The following USP7 variants were observed in gnomAD, a reference collection of about 807,000 sequenced individuals.
The protein encoded by USP7 is ubiquitin specific peptidase 7, also known as ubiquitin C-terminal hydrolase 7.
A neutral mutation model predicts 162.9 loss-of-function variants in USP7; 9 were observed. The observed-to-expected ratio is 0.06, with a 90% CI of 0.03 to 0.10. The LOEUF (loss-of-function observed/expected upper bound fraction) is 0.10, where lower values mean the gene tolerates loss of function less well. USP7 is among the 10% of genes least tolerant of loss of function. The probability of loss-of-function intolerance (pLI) is 1.00; values close to 1 mark genes in which losing one functional copy is unlikely to be tolerated. For missense variants in USP7, 715 were observed against 1,373.7 expected (o/e 0.52, Z 7.58); for synonymous variants, 562 against 475.9 (o/e 1.18, Z -2.35).
At chr16:8,950,551 C>A (rs1220388717) in intron 1 of USP7, among the ~76,000 whole-genome samples, 1 of 152,190 alleles carries the variant, frequency 6.6e-6, no homozygotes, top group Non-Finnish European at 1.5e-5. Context: ...ACTTTGATCA[C>A]TTGGGCTGGG....
intron 1 of USP7, among the ~76,000 whole-genome samples, chr16:8,952,992 A>G (rs527737610): frequency 9.9e-5 from 15 of 152,192 alleles, no homozygotes; most frequent in African/African-American, 3.6e-4. Context: ...GCGTGTCACC[A>G]TGCCAGGCTA....
At chr16:8,903,015 G>T (rs1403412440) in intron 16 of USP7, among the ~76,000 whole-genome samples, 4 of 152,222 alleles carry the variant, frequency 2.6e-5, no homozygotes, top group African/African-American at 9.6e-5. Flanking sequence ...TGCAGGGAGT[G>T]GAGTGGGAGA....
At chr16:8,941,008 GTCCA>G (rs1899021319) in intron 1 of USP7, among the ~76,000 whole-genome samples, 1 of 152,096 alleles carries the variant, frequency 6.6e-6, no homozygotes, top group South Asian at 2.1e-4. Context: ...CCTTCTTCTC[GTCCA>G]GCACTCAGGG....
At chr16:8,959,483 G>C (rs749402935) in intron 1 of USP7, among the ~76,000 whole-genome samples, 1 of 152,082 alleles carries the variant, frequency 6.6e-6, no homozygotes, top group African/African-American at 2.4e-5. Flanking sequence ...CTGGGGAATC[G>C]CTTTGAATCA....
intron 5 of USP7, 135 bp downstream of exon 5, chr16:8,920,224 C>G (rs1310032156): frequency 5.6e-6 from 4 of 718,946 alleles, no homozygotes; most frequent in Non-Finnish European, 9.4e-6. Context: ...AGGTGTGACT[C>G]TGTGTGCCAC....
chr16:8,957,064 T>C (rs1420523499), intron 1 of USP7, among the ~76,000 whole-genome samples: 1 of 152,160 alleles, frequency 6.6e-6, no homozygotes, highest in African/African-American at 2.4e-5. Flanking sequence ...GGTTGGTGTA[T>C]TTCCCCATAC....
intron 14 of USP7, 124 bp downstream of exon 14, chr16:8,905,063 G>T: frequency 2.5e-6 from 3 of 1,216,120 alleles, no homozygotes; most frequent in Middle Eastern, 2.2e-4. Flanking sequence ...TCATTTCTGC[G>T]CTGCTGTGAA....
intron 15 of USP7, 55 bp downstream of exon 15, chr16:8,904,380 G>A: frequency 6.2e-7 from 1 of 1,601,516 alleles, no homozygotes; most frequent in South Asian, 1.1e-5. Flanking sequence ...CTTGTGTATA[G>A]AGATGGGTGC....
chr16:8,917,046 T>C lies in USP7; in HGVS notation c.831A>G (p.Lys277=). The change falls in exon 7 of 31, where the codon AAA becomes AAG. Residue 277 remains lysine (K), a synonymous_variant. Transcript: ENST00000344836. The part of the protein sequence containing the change: ...LQHSDKPVGT[K]KLTKSFGWET... ...CATACCCAAATGACTTTGTTAACTT[T>C]TTTGTTCCTACAGGTTTATCACTAT... The C allele has an allele frequency of 6.2e-7, 1 of 1,608,178 alleles. No homozygotes were observed. Among genetic ancestry groups the C allele is most frequent in the Non-Finnish European group, 8.5e-7 (1 of 1,178,320 alleles).
At chr16:8,918,811 T>C (rs976854863) in intron 6 of USP7, among the ~76,000 whole-genome samples, 3 of 151,872 alleles carry the variant, frequency 2.0e-5, no homozygotes, top group Admixed American at 6.6e-5. Flanking sequence ...TCCATCTCAA[T>C]AAAGAAAAAG....
At chr16:8,900,192 A>C (rs2061751666) in intron 21 of USP7, 1 of 326,538 alleles carries the variant, frequency 3.1e-6, no homozygotes, top group Admixed American at 4.7e-5. Flanking sequence ...GTTTACATGA[A>C]GACAGACTGA....
At chr16:8,918,554 A>C (rs1241690536) in intron 6 of USP7, among the ~76,000 whole-genome samples, 2 of 152,202 alleles carry the variant, frequency 1.3e-5, no homozygotes, top group Non-Finnish European at 1.5e-5. Context: ...TCATGCCTAT[A>C]ATCTGAGCCC....
chr16:8,900,490 A>C (rs1328900194), intron 21 of USP7, 40 bp downstream of exon 21: 1 of 1,451,508 alleles, frequency 6.9e-7, no homozygotes, highest in Non-Finnish European at 9.3e-7. Flanking sequence ...AAAATCCTGA[A>C]ATTAGTACAA....
At chr16:8,953,614 G>C (rs1596415415) in intron 1 of USP7, among the ~76,000 whole-genome samples, 1 of 55,394 alleles carries the variant, frequency 1.8e-5, no homozygotes, top group African/African-American at 6.3e-5. Flanking sequence ...GCAGAGGGAA[G>C]ACACGTGCCC....
chr16:8,962,569 CCA>C, intron 1 of USP7: 1 of 389,564 alleles, frequency 2.6e-6, no homozygotes, highest in Non-Finnish European at 5.2e-6. Context: ...GCTGGCTGCA[CCA>C]CACACTGCCA....
At chr16:8,906,348 G>A in intron 13 of USP7, 78 bp downstream of exon 13, 5 of 1,513,582 alleles carry the variant, frequency 3.3e-6, no homozygotes, top group Non-Finnish European at 4.4e-6. Context: ...GTTCCGAGTA[G>A]GAACCAGAAC....
At chr16:8,899,575 T>C (rs769548577) in intron 22 of USP7, 29 bp downstream of exon 22, 3 of 1,608,842 alleles carry the variant, frequency 1.9e-6, no homozygotes, top group Non-Finnish European at 2.6e-6. Flanking sequence ...GAGTGGGATC[T>C]GAAGAGGAAA....
intron 26 of USP7, among the ~76,000 whole-genome samples, chr16:8,896,128 C>T (rs1190345682): frequency 1.3e-5 from 2 of 149,962 alleles, no homozygotes; most frequent in African/African-American, 2.4e-5. Flanking sequence ...TGTGAGCCAC[C>T]ATGCCCAGCT....
Position 8,910,735 on chromosome 16 carries a change from C to T in USP7, c.1161+10G>A. 6.2e-7 allele frequency: 1 copy of T among 1,613,390 alleles called. No homozygotes were observed. The highest frequency in any genetic ancestry group is 8.5e-7 in the Non-Finnish European group (1 of 1,179,452). On this transcript the variant is annotated intron_variant, in intron 11 of 30. Transcript: ENST00000344836. ...TACAACAGGACACTAGCACAAAACACTCAATTTACCTGTAAGCCATGTTCC... is the reference window on the plus strand; with the variant it reads ...TACAACAGGACACTAGCACAAAACATTCAATTTACCTGTAAGCCATGTTCC...
Sources: gnomAD v4.1 joint callset for allele counts (sites outside exome capture counted in the v4.1 genomes callset) on GRCh38, gnomAD v4.1.1 for gene constraint, MANE v1.5 for transcripts, NCBI Gene and HGNC (gene_info 2026-07-23, HGNC 2026-07-21) for gene names.